SLC71A2: variants seen among roughly 807,000 people sequenced by gnomAD.
The protein encoded by SLC71A2 is solute carrier family 71 member 2, also known as hippocampus abundant transcript-like 1.
At chr9:94,405,134 T>C in the SLC71A2 span, among the ~76,000 whole-genome samples, 1 of 152,186 alleles carries the variant, frequency 6.6e-6, no homozygotes, top group African/African-American at 2.4e-5. Flanking sequence ...GTACCCTTGT[T>C]GCATATCATT....
At chr9:94,457,726 G>A in the SLC71A2 span, among the ~76,000 whole-genome samples, 108,381 of 152,200 alleles carry the variant, frequency 0.71, 40,154 homozygotes, top group African/African-American at 0.93. Flanking sequence ...ACATGTTTCT[G>A]AATGTCAGCA....
the SLC71A2 span, among the ~76,000 whole-genome samples, chr9:94,452,633 T>TTTCATATATATATTCATATATA: frequency 3.1e-5 from 3 of 98,272 alleles, no homozygotes; most frequent in Non-Finnish European, 6.2e-5. Flanking sequence ...ATATATATAT[T>TTTCATATATATATTCATATATA]TTCATATATA....
chr9:94,455,315 C>T, the SLC71A2 span, among the ~76,000 whole-genome samples: 3 of 150,560 alleles, frequency 2.0e-5, no homozygotes, highest in East Asian at 1.9e-4. Context: ...AGTATGTACA[C>T]GCACCACCAC....
the SLC71A2 span, chr9:94,445,139 C>T: frequency 6.2e-7 from 1 of 1,614,006 alleles, no homozygotes; most frequent in Admixed American, 1.7e-5. Flanking sequence ...AGACCGGTTT[C>T]CTGGGGAGCT....
the SLC71A2 span, among the ~76,000 whole-genome samples, chr9:94,418,189 T>C: frequency 1.3e-5 from 2 of 152,174 alleles, no homozygotes; most frequent in African/African-American, 4.8e-5. Flanking sequence ...CTTGATAATG[T>C]CTCATACATC....
chr9:94,456,913 CCT>C, the SLC71A2 span, among the ~76,000 whole-genome samples: 1 of 152,022 alleles, frequency 6.6e-6, no homozygotes, highest in Non-Finnish European at 1.5e-5. Context: ...CCCTTCCTGT[CCT>C]GTCTTGTCCT....
the SLC71A2 span, among the ~76,000 whole-genome samples, chr9:94,453,617 AT>A: frequency 6.6e-6 from 1 of 152,236 alleles, no homozygotes; most frequent in Non-Finnish European, 1.5e-5. Flanking sequence ...ATTCACAGAT[AT>A]TTAAGTGATT....
At chr9:94,408,186 A>G in the SLC71A2 span, among the ~76,000 whole-genome samples, 1 of 152,224 alleles carries the variant, frequency 6.6e-6, no homozygotes, top group Non-Finnish European at 1.5e-5. Flanking sequence ...TGCATTGAGT[A>G]TGCACCTCTA....
At chr9:94,395,734 T>G in the SLC71A2 span, among the ~76,000 whole-genome samples, 2 of 152,202 alleles carry the variant, frequency 1.3e-5, no homozygotes, top group Non-Finnish European at 2.9e-5. Flanking sequence ...TTGGGCCATG[T>G]AGCTCATTCC....
chr9:94,377,363 T>A, the SLC71A2 span, among the ~76,000 whole-genome samples: 3 of 140,646 alleles, frequency 2.1e-5, no homozygotes, highest in African/African-American at 5.8e-5. Flanking sequence ...GCTGATAACT[T>A]TTTTCTTTTT....
chr9:94,444,180 A>G, the SLC71A2 span, among the ~76,000 whole-genome samples: 2 of 152,222 alleles, frequency 1.3e-5, no homozygotes, highest in African/African-American at 4.8e-5. Context: ...AGTTTGCCCG[A>G]TAAGCATCTG....
chr9:94,441,555 A>G, the SLC71A2 span, among the ~76,000 whole-genome samples: 1 of 152,334 alleles, frequency 6.6e-6, no homozygotes, highest in Non-Finnish European at 1.5e-5. Context: ...ACAATTGAAC[A>G]TTTGAATTTT....
At chr9:94,405,791 A>G in the SLC71A2 span, among the ~76,000 whole-genome samples, 22 of 151,808 alleles carry the variant, frequency 1.4e-4, 1 homozygote, top group Admixed American at 3.9e-4. Flanking sequence ...TTAAGATTCT[A>G]TATAAATTTT....
chr9:94,454,756 C>T, the SLC71A2 span, among the ~76,000 whole-genome samples: 4 of 152,136 alleles, frequency 2.6e-5, no homozygotes, highest in Admixed American at 2.0e-4. Flanking sequence ...TTCACTATGA[C>T]TTATCATTAC....
At chr9:94,453,683 G>A in the SLC71A2 span, among the ~76,000 whole-genome samples, 26 of 152,204 alleles carry the variant, frequency 1.7e-4, no homozygotes, top group African/African-American at 5.3e-4. Context: ...CTGGTGAACA[G>A]TTGTGATATC....
chr9:94,453,148 C>CTTTTTTTTT, the SLC71A2 span, among the ~76,000 whole-genome samples: 1 of 124,778 alleles, frequency 8.0e-6, no homozygotes, highest in Non-Finnish European at 1.6e-5. Flanking sequence ...ACTCAGCCAT[C>CTTTTTTTTT]TTTTTTTTTT....
At chr9:94,419,392 C>T in the SLC71A2 span, among the ~76,000 whole-genome samples, 27 of 149,990 alleles carry the variant, frequency 1.8e-4, no homozygotes, top group African/African-American at 6.1e-4. Flanking sequence ...CTCCTGGATT[C>T]GAGCGATTCT....
chr9:94,456,358 T>C, the SLC71A2 span: 1 of 1,595,540 alleles, frequency 6.3e-7, no homozygotes, highest in South Asian at 1.1e-5. Context: ...TGCCCCCCAC[T>C]TGTTTTTCTC....
the SLC71A2 span, among the ~76,000 whole-genome samples, chr9:94,414,936 G>A: frequency 6.6e-6 from 1 of 152,102 alleles, no homozygotes; most frequent in Admixed American, 6.5e-5. Flanking sequence ...GAGATTACAA[G>A]CTTGAGCCAC....
Sources: gnomAD v4.1 joint callset for allele counts (sites outside exome capture counted in the v4.1 genomes callset) on GRCh38, gnomAD v4.1.1 for gene constraint, MANE v1.5 for transcripts, NCBI Gene and HGNC (gene_info 2026-07-23, HGNC 2026-07-21) for gene names.